Variants in ZNF567 observed in about 807,000 individuals in gnomAD.
ZNF567 encodes zinc finger protein 567.
Under a neutral mutation model 53.9 loss-of-function variants are expected in ZNF567, and 36 were observed. The observed-to-expected ratio is 0.67, with a 90% CI of 0.51 to 0.88. The LOEUF is 0.88. Among genes scored for constraint, ZNF567 ranks in the 40% least tolerant of loss-of-function variants. The probability of loss-of-function intolerance (pLI) is 0.00; values close to 1 mark genes in which losing one functional copy is unlikely to be tolerated. For missense variants in ZNF567, 619 were observed against 764.7 expected (o/e 0.81, Z 2.25); for synonymous variants, 224 against 260.4 (o/e 0.86, Z 1.35).
the ZNF567 span, among the ~76,000 whole-genome samples, chr19:36,673,321 T>C: frequency 6.6e-6 from 1 of 152,246 alleles, no homozygotes; most frequent in Non-Finnish European, 1.5e-5. Flanking sequence ...TGGTTAATTT[T>C]ATGTGTCAAC....
At chr19:36,690,415 A>C (rs1002354013) in intron 2 of ZNF567, among the ~76,000 whole-genome samples, 2 of 152,112 alleles carry the variant, frequency 1.3e-5, no homozygotes, top group Non-Finnish European at 2.9e-5. Context: ...CAACTTAGTG[A>C]AACCCTGTCT....
chr19:36,710,475 T>G (rs1019262469), intron 3 of ZNF567, among the ~76,000 whole-genome samples: 27 of 152,160 alleles, frequency 1.8e-4, no homozygotes, highest in Non-Finnish European at 3.4e-4. Flanking sequence ...CTGTTATATC[T>G]GTTATGTTCT....
the ZNF567 span, among the ~76,000 whole-genome samples, chr19:36,674,187 A>G: frequency 6.6e-6 from 1 of 152,300 alleles, no homozygotes; most frequent in Admixed American, 6.5e-5. Context: ...TAAGAGACAA[A>G]TTGTCCTAGA....
rs1282369124 is a variant in ZNF567 at position 36,719,834 on chromosome 19, TG to T, written c.1113del (p.Lys372SerfsTer94). ...GEKPYECNDC[G>X]KSFRQKTTLS... ...AGAAACCATATGAGTGTAATGACTG[TG>T]GGAAGTCCTTCCGCCAGAAGACAAC... On this transcript the variant is annotated frameshift_variant, in exon 6 of 6. Coordinates refer to ENST00000682579, the MANE Select transcript of ZNF567 (RefSeq NM_001322917.1). LOFTEE classifies it high-confidence loss of function. 1 of 1,613,994 alleles carries T rather than the reference TG, an allele frequency of 6.2e-7. No individual in the cohort carries two copies. Among genetic ancestry groups the T allele is most frequent in the Non-Finnish European group, 8.5e-7 (1 of 1,180,014 alleles).
At chr19:36,689,904 T>C (rs1470538080) in intron 2 of ZNF567, among the ~76,000 whole-genome samples, 1 of 152,168 alleles carries the variant, frequency 6.6e-6, no homozygotes, top group Non-Finnish European at 1.5e-5. Flanking sequence ...GTTCTAAAAA[T>C]AACAGTCTCT....
chr19:36,693,230 A>G (rs1256647469), intron 2 of ZNF567, among the ~76,000 whole-genome samples: 1 of 152,150 alleles, frequency 6.6e-6, no homozygotes, highest in Non-Finnish European at 1.5e-5. Flanking sequence ...CCGACGCTGC[A>G]ATGAGCGGTG....
At chr19:36,675,790 A>G in the ZNF567 span, among the ~76,000 whole-genome samples, 1 of 152,204 alleles carries the variant, frequency 6.6e-6, no homozygotes, top group Non-Finnish European at 1.5e-5. Context: ...TCAAGGCTGC[A>G]GTGAGCCATG....
downstream of ZNF567, chr19:36,721,427 TG>T (rs2040296176): frequency 6.6e-6 from 1 of 152,190 alleles, no homozygotes; most frequent in Non-Finnish European, 1.5e-5. Context: ...GAGGTTTTTT[TG>T]GTCATTCAGA....
chr19:36,689,852 A>G (rs376502367), intron 2 of ZNF567, among the ~76,000 whole-genome samples: 1 of 152,146 alleles, frequency 6.6e-6, no homozygotes, highest in East Asian at 1.9e-4. Flanking sequence ...TGTGTTGTAA[A>G]AAAGGGAGAA....
intron 2 of ZNF567, among the ~76,000 whole-genome samples, chr19:36,691,548 T>C (rs2038611304): frequency 6.6e-6 from 1 of 152,226 alleles, no homozygotes; most frequent in African/African-American, 2.4e-5. Flanking sequence ...CCTTTCATTA[T>C]TTTAATATAA....
At chr19:36,710,185 C>G (rs1197013940) in intron 3 of ZNF567, among the ~76,000 whole-genome samples, 1 of 151,480 alleles carries the variant, frequency 6.6e-6, no homozygotes, top group Non-Finnish European at 1.5e-5. Flanking sequence ...TACACAGATA[C>G]TGATTCTCTA....
chr19:36,675,785 G>A, the ZNF567 span, among the ~76,000 whole-genome samples: 1 of 152,126 alleles, frequency 6.6e-6, no homozygotes, highest in East Asian at 1.9e-4. Context: ...GCAGGTCAAG[G>A]CTGCAGTGAG....
the ZNF567 span, among the ~76,000 whole-genome samples, chr19:36,675,849 A>C: frequency 6.6e-6 from 1 of 152,036 alleles, no homozygotes; most frequent in African/African-American, 2.4e-5. Flanking sequence ...ACTCTGTCTC[A>C]AACAAAAACA....
At chr19:36,682,631 G>A (rs974075380), upstream of ZNF567, among the ~76,000 whole-genome samples, 3 of 143,786 alleles carry the variant, frequency 2.1e-5, no homozygotes, top group African/African-American at 7.8e-5. Context: ...TTTTTGAGAC[G>A]GAGTCTCACT....
At chr19:36,723,557 T>G (rs368834273), downstream of ZNF567, among the ~76,000 whole-genome samples, 69 of 152,270 alleles carry the variant, frequency 4.5e-4, no homozygotes, top group South Asian at 0.014. Context: ...CTTTTGAGGC[T>G]GGGCGTGGTG....
In ZNF567 at chr19:36,720,218, TCA is replaced by T; in HGVS notation, c.1499_1500del (p.Thr500ArgfsTer6). 6.2e-7 allele frequency: 1 copy of T among 1,614,076 alleles called. No homozygotes were observed. The highest frequency in any genetic ancestry group is 2.2e-5 in the East Asian group (1 of 44,866). Reference sequence around the variant, plus strand: ...CATACCTCATTGATCATCACCGAACTCACACAGGAGAGAAACCATATGAATGT... The same window carrying T: ...CATACCTCATTGATCATCACCGAACTCACAGGAGAGAAACCATATGAATGT... The part of the protein sequence containing the change: ...KSYLIDHHRT[H>X]TGEKPYECNE... On this transcript the variant is annotated frameshift_variant, in exon 6 of 6. Transcript: ENST00000682579. LOFTEE classifies it high-confidence loss of function.
chr19:36,714,874 AT>A (rs996420423), intron 5 of ZNF567, among the ~76,000 whole-genome samples: 24 of 152,222 alleles, frequency 1.6e-4, no homozygotes, highest in Non-Finnish European at 2.8e-4. Flanking sequence ...AACAGATTTT[AT>A]TTTTTTAAAT....
At chr19:36,683,608 C>T (rs572682603), upstream of ZNF567, among the ~76,000 whole-genome samples, 8 of 152,150 alleles carry the variant, frequency 5.3e-5, no homozygotes, top group Admixed American at 2.0e-4. Flanking sequence ...CCAAGGCAGA[C>T]GGATCACAAG....
In ZNF567 at chr19:36,719,238, A is replaced by G. The variant is rs546393816; in HGVS notation, c.514A>G (p.Thr172Ala). 6.2e-7 allele frequency: 1 copy of G among 1,614,110 alleles called. No individual in the cohort carries two copies. Among genetic ancestry groups the G allele is most frequent in the Non-Finnish European group, 8.5e-7 (1 of 1,180,006 alleles). The change falls in exon 6 of 6, where the codon ACT (threonine) becomes GCT (alanine). Residue 172 changes from threonine to alanine, a missense_variant. Physicochemically the swap from Thr to Ala is moderately conservative, Grantham distance 58. Transcript: ENST00000682579. ...YNGYGKSLLS[T>A]KQETTHPEVK... is the part of the protein sequence containing the mutation. ...TGGATATGGGAAATCACTCCTGAGT[A>G]CTAAACAAGAGACTACTCATCCTGA... is the stretch of plus-strand genomic sequence containing the variant.
Sources: gnomAD v4.1 joint callset for allele counts (sites outside exome capture counted in the v4.1 genomes callset) on GRCh38, gnomAD v4.1.1 for gene constraint, MANE v1.5 for transcripts, NCBI Gene and HGNC (gene_info 2026-07-23, HGNC 2026-07-21) for gene names.